SH3BGR: variants seen among roughly 807,000 people sequenced by gnomAD.
The protein encoded by SH3BGR is SH3 domain-binding glutamic acid-rich protein.
Under a neutral mutation model 24.5 loss-of-function variants are expected in SH3BGR, and 29 were observed. The observed-to-expected ratio is 1.18, with a 90% CI of 0.88 to 1.61. SH3BGR has a LOEUF of 1.61. SH3BGR is among the 40% of genes most tolerant of loss of function. SH3BGR has a pLI of 0.00. For synonymous variants in SH3BGR, 55 were observed against 65.7 expected, an observed-to-expected ratio of 0.84 and a Z score of 0.79; for missense variants, 162 against 205.8, an observed-to-expected ratio of 0.79 and a Z score of 1.30.
intron 4 of SH3BGR, among the ~76,000 whole-genome samples, chr21:39,506,075 C>A (rs967724961): frequency 3.3e-5 from 5 of 152,272 alleles, no homozygotes; most frequent in Middle Eastern, 3.4e-3. Flanking sequence ...GTTCTTCTAT[C>A]CAATCACTAA....
chr21:39,470,104 C>A (rs184248053), intron 2 of SH3BGR, among the ~76,000 whole-genome samples: 2 of 151,294 alleles, frequency 1.3e-5, no homozygotes, highest in African/African-American at 4.9e-5. Context: ...TTTTTTTAAT[C>A]CTTTCTTGAT....
chr21:39,491,595 G>A (rs370285626), intron 3 of SH3BGR: 1 of 240,122 alleles, frequency 4.2e-6, no homozygotes. Flanking sequence ...GTCTAAGTAG[G>A]GGTGGAGGTG....
intron 4 of SH3BGR, among the ~76,000 whole-genome samples, chr21:39,503,359 T>C (rs79480810): frequency 0.038 from 5,712 of 152,280 alleles, 120 homozygotes; most frequent in Middle Eastern, 0.075. Context: ...AGAAATGCAA[T>C]GCATTGGTGC....
At position 39,499,863 on chromosome 21, in the gene SH3BGR, A is replaced by C. The variant is rs1602159252; in HGVS notation, c.353A>C (p.Gln118Pro). Residue 118 changes from glutamine (Q) to proline (P), a missense_variant, in exon 4 of 7, where the codon CAA (glutamine) becomes CCA (proline). Gln to Pro is a moderately conservative substitution (Grantham distance 76). Coordinates refer to ENST00000333634, the MANE Select transcript of SH3BGR (RefSeq NM_007341.3). ...GAAGAAGGTGGAGAAACTGAGGCACAAAAAGAGGGCAGTGAAGATGTGGGC... is the reference window on the plus strand; with the variant it reads ...GAAGAAGGTGGAGAAACTGAGGCACCAAAAGAGGGCAGTGAAGATGTGGGC... ...KAEEGGETEAQKEGSEDVGNL... is the reference protein window; with the variant it reads ...KAEEGGETEAPKEGSEDVGNL... 6.2e-7 allele frequency: 1 copy of C among 1,613,872 alleles called. No individual in the cohort carries two copies. Among genetic ancestry groups the C allele is most frequent in the East Asian group, 2.2e-5 (1 of 44,872 alleles).
At chr21:39,451,822 G>T, upstream of SH3BGR, 4 of 1,434,012 alleles carry the variant, frequency 2.8e-6, no homozygotes, top group Non-Finnish European at 3.8e-6. Flanking sequence ...TAGGGAAAGG[G>T]TCCAGTGGCT....
intron 1 of SH3BGR, among the ~76,000 whole-genome samples, chr21:39,457,423 A>G (rs988332964): frequency 2.8e-5 from 4 of 142,484 alleles, no homozygotes; most frequent in African/African-American, 7.6e-5. Flanking sequence ...TAAGATTATT[A>G]TATATTATAT....
chr21:39,454,346 A>G (rs1021294803), intron 1 of SH3BGR, among the ~76,000 whole-genome samples: 3 of 152,252 alleles, frequency 2.0e-5, no homozygotes, highest in Non-Finnish European at 4.4e-5. Flanking sequence ...TGTTGGTTGA[A>G]TGAAATAAAT....
At chr21:39,490,670 C>T (rs1682768052) in intron 3 of SH3BGR, among the ~76,000 whole-genome samples, 1 of 151,354 alleles carries the variant, frequency 6.6e-6, no homozygotes, top group Non-Finnish European at 1.5e-5. Context: ...CATCGATTTC[C>T]TTTCAACTTC....
rs779292919 is a variant in SH3BGR, at chr21:39,452,063, T to C, written c.-34T>C. ...CTAGCGGCGCATTCCCTGACAGGGG[T>C]GTGTTGGGGGGAGTCCTCTTTCCAA... On this transcript the variant is annotated 5_prime_UTR_variant, in exon 1 of 7. Transcript: ENST00000333634. The C allele has an allele frequency of 1.2e-6, 2 of 1,613,904 alleles. No individual in the cohort carries two copies. The highest frequency in any genetic ancestry group is 4.5e-5 in the East Asian group (2 of 44,870).
At chr21:39,446,939 T>C (rs2077487011) in intron 1 of SH3BGR, 1 of 152,218 alleles carries the variant, frequency 6.6e-6, no homozygotes, top group African/African-American at 2.4e-5. Flanking sequence ...GGGTGTTTTT[T>C]TTCAAATTGA....
chr21:39,510,398 T>TACACACACAC (rs34806393), intron 5 of SH3BGR, among the ~76,000 whole-genome samples: 8 of 111,626 alleles, frequency 7.2e-5, no homozygotes, highest in African/African-American at 2.9e-4. Context: ...ACACTGTAGC[T>TACACACACAC]ACACACACAC....
intron 6 of SH3BGR, among the ~76,000 whole-genome samples, chr21:39,514,226 A>G (rs1476756733): frequency 1.3e-5 from 2 of 152,194 alleles, no homozygotes; most frequent in Middle Eastern, 3.2e-3. Context: ...AAACAAACCC[A>G]TCTCATAACT....
At chr21:39,510,943 A>ATATATATG (rs1308939570) in intron 5 of SH3BGR, among the ~76,000 whole-genome samples, 8 of 138,216 alleles carry the variant, frequency 5.8e-5, no homozygotes, top group Non-Finnish European at 7.9e-5. Context: ...ATATATATAT[A>ATATATATG]TATACTTTCT....
intron 6 of SH3BGR, among the ~76,000 whole-genome samples, chr21:39,513,430 CAA>C (rs1407383615): frequency 6.6e-6 from 1 of 151,696 alleles, no homozygotes; most frequent in East Asian, 1.9e-4. Context: ...AATAGACTTA[CAA>C]AAAAAAGCTG....
chr21:39,467,437 A>G (rs2077862829), intron 2 of SH3BGR, among the ~76,000 whole-genome samples: 1 of 152,130 alleles, frequency 6.6e-6, no homozygotes, highest in African/African-American at 2.4e-5. Context: ...TTTGTAGTTT[A>G]CCTTATGAGA....
chr21:39,491,886 T>C, intron 3 of SH3BGR: 1 of 156,336 alleles, frequency 6.4e-6, no homozygotes, highest in Non-Finnish European at 1.4e-5. Flanking sequence ...TTGTTCCTTC[T>C]TTTATTTGTC....
intron 3 of SH3BGR, among the ~76,000 whole-genome samples, chr21:39,480,750 C>G (rs1267167252): frequency 6.6e-6 from 1 of 152,182 alleles, no homozygotes; most frequent in Non-Finnish European, 1.5e-5. Context: ...ATTCAGATGC[C>G]TGAGTTTTAC....
rs764937199 is a variant in SH3BGR, at chr21:39,511,731, G to C, written c.487G>C (p.Glu163Gln). The change falls in exon 6 of 7, where the codon GAA becomes CAA. Residue 163 changes from glutamate to glutamine, a missense_variant. Physicochemically the swap from Glu to Gln is conservative, Grantham distance 29. Coordinates refer to ENST00000333634, the MANE Select transcript of SH3BGR (RefSeq NM_007341.3). The surrounding 1 kb of genome is among the most constrained non-coding windows in gnomAD (Gnocchi z 4.2). ...GAEGEAEEEE[E>Q]TAEGEEPGED... The stretch of plus-strand genomic sequence containing the variant: ...GGAAGGGGAAGCCGAGGAGGAGGAA[G>C]AAACTGCAGAAGGAGAAGAGCCTGG... The C allele has an allele frequency of 2.5e-6, 4 of 1,569,074 alleles. No homozygotes were observed. The Admixed American group carries it at 7.4e-5, about 29-fold the overall frequency.
chr21:39,499,800 T>C (rs78133154), intron 3 of SH3BGR, 23 bp from the exon 4 acceptor site: 55,540 of 1,572,392 alleles, frequency 0.035, 1,152 homozygotes, highest in Middle Eastern at 0.066. Flanking sequence ...TGAGCTCATA[T>C]CCTGGGTTTC....
Sources: allele counts gnomAD v4.1 joint callset (sites outside exome capture counted in the v4.1 genomes callset), GRCh38; gene constraint gnomAD v4.1.1; non-coding constraint Gnocchi (gnomAD v3.1); transcripts MANE v1.5; gene names NCBI Gene and HGNC (gene_info 2026-07-23, HGNC 2026-07-21).